The following ANHX variants were observed in gnomAD, a reference collection of about 807,000 sequenced individuals.
ANHX encodes anomalous homeobox protein.
A neutral mutation model predicts 38.9 loss-of-function variants in ANHX; 20 were observed. That is an observed-to-expected ratio of 0.51 (90% CI 0.36 to 0.75). The LOEUF is 0.75. Among genes scored for constraint, ANHX ranks in the 30% least tolerant of loss-of-function variants. The pLI is 0.00. For missense variants in ANHX, 475 were observed against 493.1 expected, an observed-to-expected ratio of 0.96 and a Z score of 0.35; for synonymous variants, 185 against 203.1, an observed-to-expected ratio of 0.91 and a Z score of 0.76.
At chr12:133,225,314 T>C (rs36192116) in intron 7 of ANHX, among the ~76,000 whole-genome samples, 10,165 of 141,712 alleles carry the variant, frequency 0.072, 472 homozygotes, top group African/African-American at 0.13. Context: ...TATGCATACA[T>C]ACACACACAC....
intron 3 of ANHX, among the ~76,000 whole-genome samples, chr12:133,229,130 CT>C: frequency 6.6e-6 from 1 of 152,284 alleles, no homozygotes; most frequent in East Asian, 1.9e-4. Context: ...GGTCTGTCCC[CT>C]GAACACAGAG....
At chr12:133,223,649 T>C (rs879411984) in intron 7 of ANHX, among the ~76,000 whole-genome samples, 4 of 151,998 alleles carry the variant, frequency 2.6e-5, no homozygotes, top group Non-Finnish European at 5.9e-5. Context: ...GGTTTCATCA[T>C]ATTGGCCAGG....
chr12:133,232,315 T>TGACGGAGGATGCCTGGTGCTGGTC (rs1555308179), intron 2 of ANHX, among the ~76,000 whole-genome samples: 41 of 152,170 alleles, frequency 2.7e-4, no homozygotes, highest in Middle Eastern at 3.4e-3. Flanking sequence ...ATTTCCTTAA[T>TGACGGAGGATGCCTGGTGCTGGTC]TCCAATCATC....
At chr12:133,227,230 C>G (rs1957202323) in intron 4 of ANHX, 78 bp from the exon 5 acceptor site, 1 of 1,413,420 alleles carries the variant, frequency 7.1e-7, no homozygotes. Flanking sequence ...GCTCAGACAG[C>G]TCATTTACAC....
intron 2 of ANHX, among the ~76,000 whole-genome samples, chr12:133,232,716 T>C (rs1440019619): frequency 6.6e-6 from 1 of 152,220 alleles, no homozygotes; most frequent in Non-Finnish European, 1.5e-5. Flanking sequence ...TCATCACTGA[T>C]GCCAGTGGTT....
At chr12:133,228,184 T>C (rs1480821417) in intron 3 of ANHX, among the ~76,000 whole-genome samples, 2 of 152,240 alleles carry the variant, frequency 1.3e-5, no homozygotes, top group East Asian at 1.9e-4. Context: ...CTGTGGGCCC[T>C]TGCAGTGCTC....
chr12:133,221,742 C>T lies in ANHX; in HGVS notation c.1133-390G>A, dbSNP rs970271347. On this transcript the variant is annotated intron_variant, in intron 7 of 9. Transcript: ENST00000545940. The surrounding 1 kb of genome is among the most constrained non-coding windows in gnomAD (Gnocchi z 4.1). ...GTTCACGGAGTGCTTGGCCACCAGC[C>T]CTTGGTGGTTTCCACTTTTACCTCT... 6.6e-6 allele frequency among the ~76,000 whole-genome samples: 1 copy of T among 152,134 alleles called. No homozygotes were observed. Among genetic ancestry groups the T allele is most frequent in the African/African-American group, 2.4e-5 (1 of 41,430 alleles).
chr12:133,224,281 TAAAAAGAAA>T (rs921870470), intron 7 of ANHX, among the ~76,000 whole-genome samples: 20 of 141,438 alleles, frequency 1.4e-4, no homozygotes, highest in African/African-American at 5.6e-4. Context: ...GCAGACAATG[TAAAAAGAAA>T]AAGGAAAGGC....
At chr12:133,229,896 C>T (rs189571133) in intron 3 of ANHX, among the ~76,000 whole-genome samples, 2 of 152,124 alleles carry the variant, frequency 1.3e-5, no homozygotes, top group African/African-American at 4.8e-5. Flanking sequence ...TTCCCATCTG[C>T]CCCTGAACAC....
At chr12:133,223,227 AAATCAG>A (rs1247236414) in intron 7 of ANHX, among the ~76,000 whole-genome samples, 1 of 151,898 alleles carries the variant, frequency 6.6e-6, no homozygotes, top group African/African-American at 2.4e-5. Context: ...TTAAAGCAAA[AAATCAG>A]AAGACAGAAT....
At chr12:133,223,496 A>T (rs1202500080) in intron 7 of ANHX, among the ~76,000 whole-genome samples, 1 of 142,894 alleles carries the variant, frequency 7.0e-6, no homozygotes, top group Non-Finnish European at 1.5e-5. Flanking sequence ...CCCAGGCTGG[A>T]GTGCAGTAGC....
At chr12:133,235,751 CCCT>C (rs1957370276) in intron 1 of ANHX, 53 bp downstream of exon 1, 1 of 140,682 alleles carries the variant, frequency 7.1e-6, no homozygotes, top group Middle Eastern at 3.3e-3. Context: ...TCCAGGCCCC[CCCT>C]GCCCCCGCGC....
intron 7 of ANHX, among the ~76,000 whole-genome samples, chr12:133,223,800 C>G (rs191655145): frequency 6.6e-6 from 1 of 151,906 alleles, no homozygotes; most frequent in Admixed American, 6.6e-5. Context: ...AGTAAAAAGA[C>G]CCACAACCTC....
chr12:133,234,081 T>C, intron 2 of ANHX, 27 bp downstream of exon 2: 1 of 1,532,944 alleles, frequency 6.5e-7, no homozygotes, highest in Non-Finnish European at 8.7e-7. Context: ...CCTCTCTCTG[T>C]ACCCTACCCC....
At chr12:133,219,603 C>G (rs1957081369) in intron 8 of ANHX, among the ~76,000 whole-genome samples, 1 of 152,116 alleles carries the variant, frequency 6.6e-6, no homozygotes, top group Non-Finnish European at 1.5e-5. Context: ...GGGCTCAGAG[C>G]AGGGTCATGG....
At chr12:133,226,889 A>C (rs1199661999) in intron 5 of ANHX, 47 bp downstream of exon 5, 6 of 1,457,370 alleles carry the variant, frequency 4.1e-6, no homozygotes, top group Non-Finnish European at 4.5e-6. Context: ...CCTTGTCAGA[A>C]ACCAGCTCCC....
At chr12:133,226,072 C>T (rs1957184807) in intron 6 of ANHX, among the ~76,000 whole-genome samples, 1 of 152,200 alleles carries the variant, frequency 6.6e-6, no homozygotes, top group Non-Finnish European at 1.5e-5. Flanking sequence ...CCCCGTTCTC[C>T]AAGACAGACA....
chr12:133,225,973 AACAG>A (rs1467314535), intron 6 of ANHX, among the ~76,000 whole-genome samples, 145 bp from the exon 7 acceptor site: 3 of 151,010 alleles, frequency 2.0e-5, no homozygotes, highest in Non-Finnish European at 4.5e-5. Context: ...TGAAAAGCAA[AACAG>A]ACAAAGTACT....
intron 2 of ANHX, among the ~76,000 whole-genome samples, chr12:133,233,366 A>G (rs1209265282): frequency 6.6e-6 from 1 of 152,250 alleles, no homozygotes; most frequent in African/African-American, 2.4e-5. Flanking sequence ...AGTATCTTGA[A>G]GGTAAACTCA....
Sources: allele counts gnomAD v4.1 joint callset (sites outside exome capture counted in the v4.1 genomes callset), GRCh38; gene constraint gnomAD v4.1.1; non-coding constraint Gnocchi (gnomAD v3.1); transcripts MANE v1.5; gene names NCBI Gene and HGNC (gene_info 2026-07-23, HGNC 2026-07-21).